Variants in PRTFDC1 observed in about 807,000 individuals in gnomAD.
The protein encoded by PRTFDC1 is phosphoribosyl transferase domain containing 1, also known as phosphoribosyltransferase domain-containing protein 1.
In PRTFDC1, 38 loss-of-function variants were observed where a neutral mutation model predicts 34.6. The observed-to-expected ratio is 1.10, with a 90% CI of 0.85 to 1.44. The LOEUF (loss-of-function observed/expected upper bound fraction) is 1.44. PRTFDC1 is among the 40% of genes most tolerant of loss of function. The probability of loss-of-function intolerance (pLI) is 0.00; values close to 1 mark genes in which losing one functional copy is unlikely to be tolerated. For missense variants in PRTFDC1, 270 were observed against 283.0 expected, an observed-to-expected ratio of 0.95 and a Z score of 0.33; for synonymous variants, 93 against 98.1, an observed-to-expected ratio of 0.95 and a Z score of 0.31.
chr10:24,889,705 T>C (rs1362853580), intron 3 of PRTFDC1, among the ~76,000 whole-genome samples: 1 of 152,188 alleles, frequency 6.6e-6, no homozygotes, highest in Non-Finnish European at 1.5e-5. Flanking sequence ...TGGAAGAAAG[T>C]CAGAGAGCAG....
intron 2 of PRTFDC1, among the ~76,000 whole-genome samples, chr10:24,940,776 G>A (rs1849141877): frequency 6.6e-6 from 1 of 152,140 alleles, no homozygotes; most frequent in Admixed American, 6.6e-5. Flanking sequence ...CCAAAAATGG[G>A]ACATCCAAAT....
At chr10:24,863,171 A>G (rs1266976608) in intron 4 of PRTFDC1, among the ~76,000 whole-genome samples, 2 of 151,768 alleles carry the variant, frequency 1.3e-5, no homozygotes, top group Non-Finnish European at 2.9e-5. Context: ...AGTCACTGTG[A>G]CGCCCCCTAG....
chr10:24,871,005 G>A (rs1380377128), intron 4 of PRTFDC1, among the ~76,000 whole-genome samples: 1 of 148,730 alleles, frequency 6.7e-6, no homozygotes, highest in Admixed American at 6.8e-5. Flanking sequence ...CCAGGAGGTG[G>A]AGGTTGCAGT....
chr10:24,858,907 G>C (rs1847628052), intron 4 of PRTFDC1, among the ~76,000 whole-genome samples: 1 of 152,174 alleles, frequency 6.6e-6, no homozygotes, highest in African/African-American at 2.4e-5. Context: ...TAGATGAAGA[G>C]GGTAGGCTAG....
At chr10:24,943,030 T>C (rs2132616660) in intron 1 of PRTFDC1, among the ~76,000 whole-genome samples, 1 of 149,974 alleles carries the variant, frequency 6.7e-6, no homozygotes, top group South Asian at 2.1e-4. Context: ...TAATATATAA[T>C]TTTTCTCCAA....
chr10:24,920,570 T>C (rs1302979781), intron 3 of PRTFDC1, among the ~76,000 whole-genome samples: 1 of 144,470 alleles, frequency 6.9e-6, no homozygotes, highest in African/African-American at 2.8e-5. Flanking sequence ...GATAAATAGC[T>C]AACACATGTG....
intron 3 of PRTFDC1, among the ~76,000 whole-genome samples, chr10:24,934,251 A>AAGG (rs1366202081): frequency 1.6e-3 from 44 of 27,598 alleles, no homozygotes; most frequent in East Asian, 9.5e-3. Flanking sequence ...GAAGAAGGAG[A>AAGG]AGAAGAAGAA....
chr10:24,945,089 C>T (rs1314240813), intron 1 of PRTFDC1, among the ~76,000 whole-genome samples: 2 of 152,200 alleles, frequency 1.3e-5, no homozygotes, highest in Non-Finnish European at 2.9e-5. Flanking sequence ...TCTTTCAAGT[C>T]TCCATTCAAT....
At chr10:24,908,684 A>G in intron 3 of PRTFDC1, 1 of 1,593,944 alleles carries the variant, frequency 6.3e-7, no homozygotes. Flanking sequence ...CCGAGCACGC[A>G]GCTTTGGGAG....
chr10:24,881,262 G>A (rs1194689388), intron 3 of PRTFDC1, among the ~76,000 whole-genome samples: 2 of 151,682 alleles, frequency 1.3e-5, no homozygotes, highest in African/African-American at 2.4e-5. Context: ...TAGAGATGGG[G>A]TCTTACTATG....
intron 1 of PRTFDC1, among the ~76,000 whole-genome samples, chr10:24,951,044 C>T (rs765830123): frequency 9.2e-5 from 14 of 152,298 alleles, no homozygotes; most frequent in South Asian, 8.3e-4. Context: ...GCTTGCCCCT[C>T]CTCCTGGGGC....
chr10:24,940,022 A>G (rs1366668542), intron 2 of PRTFDC1, among the ~76,000 whole-genome samples: 6 of 152,112 alleles, frequency 3.9e-5, no homozygotes, highest in African/African-American at 1.4e-4. Flanking sequence ...AGACATAACA[A>G]TTCCTAATAT....
chr10:24,904,869 C>T (rs1490676787), intron 3 of PRTFDC1, among the ~76,000 whole-genome samples: 1 of 152,170 alleles, frequency 6.6e-6, no homozygotes, highest in East Asian at 1.9e-4. Flanking sequence ...TCCATAGTGT[C>T]AATTTCCACC....
At chr10:24,896,284 G>A (rs1009836944) in intron 3 of PRTFDC1, among the ~76,000 whole-genome samples, 5 of 152,196 alleles carry the variant, frequency 3.3e-5, no homozygotes, top group African/African-American at 9.6e-5. Context: ...CTGTGCATGC[G>A]AGGGATCTAG....
chr10:24,908,219 T>G, intron 3 of PRTFDC1: 26 of 329,296 alleles, frequency 7.9e-5, no homozygotes, highest in Non-Finnish European at 7.9e-5. Flanking sequence ...AGCAGATACA[T>G]TTTTGTTGCG....
At chr10:24,937,088 A>T in intron 3 of PRTFDC1, 96 bp downstream of exon 3, 1 of 1,161,840 alleles carries the variant, frequency 8.6e-7, no homozygotes, top group Non-Finnish European at 1.2e-6. Context: ...CTCCATTTTT[A>T]AAAATTGCAC....
chr10:24,913,813 G>T (rs568519572), intron 3 of PRTFDC1, among the ~76,000 whole-genome samples: 23 of 152,336 alleles, frequency 1.5e-4, no homozygotes, highest in African/African-American at 5.3e-4. Context: ...CAAAGCAGTT[G>T]TAGATTCAAG....
intron 3 of PRTFDC1, among the ~76,000 whole-genome samples, chr10:24,900,597 C>G (rs527424481): frequency 2.0e-5 from 3 of 152,126 alleles, no homozygotes. Flanking sequence ...AAAATATGAT[C>G]TTTTTGATAT....
intron 2 of PRTFDC1, among the ~76,000 whole-genome samples, chr10:24,941,585 A>C (rs1160472345): frequency 6.6e-6 from 1 of 152,108 alleles, no homozygotes; most frequent in Non-Finnish European, 1.5e-5. Flanking sequence ...TTCTAGACAT[A>C]AAGCTTAAGA....
Sources: gnomAD v4.1 joint callset for allele counts (sites outside exome capture counted in the v4.1 genomes callset) on GRCh38, gnomAD v4.1.1 for gene constraint, MANE v1.5 for transcripts, NCBI Gene and HGNC (gene_info 2026-07-23, HGNC 2026-07-21) for gene names.